Variants in JMY observed in about 807,000 individuals in gnomAD.
JMY encodes the protein junction mediating and regulatory protein, p53 cofactor, also known as junction-mediating and -regulatory protein.
Under a neutral mutation model 103.3 loss-of-function variants are expected in JMY, and 46 were observed. That is an observed-to-expected ratio of 0.45 (90% CI 0.35 to 0.57). JMY has a LOEUF of 0.57. JMY is among the 20% of genes least tolerant of loss of function. The pLI is 0.00. For missense variants in JMY, 1,238 were observed against 1,255.2 expected, an observed-to-expected ratio of 0.99 and a Z score of 0.21; for synonymous variants, 526 against 489.3, an observed-to-expected ratio of 1.07 and a Z score of -0.99.
At chr5:79,319,140 G>C (rs1005164358) in intron 10 of JMY, among the ~76,000 whole-genome samples, 1 of 152,108 alleles carries the variant, frequency 6.6e-6, no homozygotes, top group Non-Finnish European at 1.5e-5. Flanking sequence ...CCTAACCCTA[G>C]ACATTGCATC....
chr5:79,247,745 C>T (rs1346571745), intron 1 of JMY, among the ~76,000 whole-genome samples: 1 of 151,848 alleles, frequency 6.6e-6, no homozygotes, highest in Non-Finnish European at 1.5e-5. Flanking sequence ...TTCCACCTCC[C>T]AGGTTCAAGC....
chr5:79,236,606 G>C lies in JMY; in HGVS notation c.-45G>C. 7.5e-7 allele frequency: 1 copy of C among 1,335,978 alleles called. No homozygotes were observed. The highest frequency in any genetic ancestry group is 9.7e-7 in the Non-Finnish European group (1 of 1,031,490). 82.8% of individuals were successfully genotyped at this position (1,335,978 alleles called of 1,614,324 possible). A position where few individuals can be genotyped will look rare whatever the true frequency, so the allele number is the denominator to read the frequency against. Reference sequence around the variant, plus strand: ...GCAGCCAGCGGGGAGTCCTCGGGCGGGCCGGGCCGGCGGCCCTTCCCCGCG... The same window carrying C: ...GCAGCCAGCGGGGAGTCCTCGGGCGCGCCGGGCCGGCGGCCCTTCCCCGCG... On this transcript the variant is annotated 5_prime_UTR_variant, in exon 1 of 11. Transcript: ENST00000396137.
chr5:79,237,018 TG>T lies in JMY; in HGVS notation c.373del (p.Asp125ThrfsTer58). ...TCTCCTCGGAGCACTCGCAGCCTTC[TG>T]GGGGACCCGCGGCTGCGGAGTCCTG... is the stretch of plus-strand genomic sequence containing the variant. ...GGSPRSTRSL[L>X]GDPRLRSPGS... On this transcript the variant is annotated frameshift_variant, in exon 1 of 11. Transcript: ENST00000396137. LOFTEE classifies it high-confidence loss of function. 3.3e-6 allele frequency: 5 copies of T among 1,497,402 alleles called. No individual in the cohort carries two copies. The highest frequency in any genetic ancestry group is 2.7e-6 in the Non-Finnish European group (3 of 1,122,062). 92.8% of individuals were successfully genotyped at this position (1,497,402 alleles called of 1,614,324 possible). A position where few individuals can be genotyped will look rare whatever the true frequency, so the allele number is the denominator to read the frequency against.
In JMY at chr5:79,325,995, T is replaced by C. The variant is rs1213608056; in HGVS notation, c.*4393T>C. On this transcript the variant is annotated 3_prime_UTR_variant, in exon 11 of 11. Transcript: ENST00000396137. ...CCACAGTAAATGTACAACTTCGCAA[T>C]TGTAGGATTTAATTGATTGAATTCC... The C allele has an allele frequency of 1.3e-5, 2 of 152,154 alleles. No individual in the cohort carries two copies. Among genetic ancestry groups the C allele is most frequent in the East Asian group, 1.9e-4 (1 of 5,194 alleles). 9.4% of individuals were successfully genotyped at this position (152,154 alleles called of 1,614,324 possible).
chr5:79,284,114 C>G, intron 2 of JMY: 1 of 1,458,228 alleles, frequency 6.9e-7, no homozygotes. Flanking sequence ...TTATTTGCCA[C>G]TATTTGAAGT....
chr5:79,291,062 A>G, intron 3 of JMY, 68 bp from the exon 4 acceptor site: 1 of 1,113,694 alleles, frequency 9.0e-7, no homozygotes, highest in Middle Eastern at 2.1e-4. Flanking sequence ...GGTCAGTGAA[A>G]TCTTTTTCAA....
chr5:79,250,266 T>A (rs568125451), intron 1 of JMY, among the ~76,000 whole-genome samples: 9 of 152,328 alleles, frequency 5.9e-5, no homozygotes, highest in African/African-American at 2.2e-4. Flanking sequence ...CAGCCTCCTG[T>A]ACCCTCCATA....
intron 2 of JMY, among the ~76,000 whole-genome samples, chr5:79,285,285 C>A (rs1746234582): frequency 2.0e-5 from 3 of 152,086 alleles, no homozygotes; most frequent in Admixed American, 2.0e-4. Context: ...CCCCTGCCCC[C>A]CACCCGCCCA....
intron 7 of JMY, among the ~76,000 whole-genome samples, chr5:79,309,800 G>A (rs1198471817): frequency 6.6e-6 from 1 of 152,110 alleles, no homozygotes; most frequent in East Asian, 1.9e-4. Context: ...GTCAGAAACT[G>A]CTTTATAAGA....
chr5:79,251,398 A>G (rs554000997), intron 1 of JMY, among the ~76,000 whole-genome samples: 64 of 151,950 alleles, frequency 4.2e-4, no homozygotes, highest in African/African-American at 1.5e-3. Flanking sequence ...TGCCCAGCTA[A>G]TTTTTAACTT....
In JMY at chr5:79,321,840, T is replaced by C. The variant is rs1160422911; in HGVS notation, c.*238T>C. ...CCTGACTGCAATGAAGAAAAGGCCT[T>C]CTGGAGATTTCTGTTTTTTAAGCAC... On this transcript the variant is annotated 3_prime_UTR_variant, in exon 11 of 11. Coordinates refer to ENST00000396137, the MANE Select transcript of JMY (RefSeq NM_152405.5). 6.6e-6 allele frequency: 1 copy of C among 152,186 alleles called. No individual in the cohort carries two copies. The highest frequency in any genetic ancestry group is 2.4e-5 in the African/African-American group (1 of 41,458). 9.4% of individuals were successfully genotyped at this position (152,186 alleles called of 1,614,324 possible).
At chr5:79,262,204 C>A (rs979006821) in intron 1 of JMY, among the ~76,000 whole-genome samples, 49 of 152,222 alleles carry the variant, frequency 3.2e-4, no homozygotes, top group African/African-American at 1.2e-3. Context: ...TAGCAAAATG[C>A]ATCTTTCACA....
chr5:79,236,848 G>A lies in JMY; in HGVS notation c.198G>A (p.Gly66=), dbSNP rs1040313635. The A allele has an allele frequency of 6.2e-6, 9 of 1,450,138 alleles. No individual in the cohort carries two copies. In the African/African-American group the frequency reaches 1.2e-4, roughly 19 times the overall value. The allele number at this position is 1,450,138 out of a possible 1,614,324, so 89.8% of individuals were successfully genotyped here. Residue 66 remains glycine (G), a synonymous_variant, in exon 1 of 11, where the codon GGG becomes GGA. Coordinates refer to ENST00000396137, the MANE Select transcript of JMY (RefSeq NM_152405.5). ...SGSREQAGAR[G]GAEAGGAASD... ...CCCGGGAGCAAGCGGGGGCGCGAGG[G>A]GGCGCCGAGGCCGGCGGAGCTGCGT...
At chr5:79,289,778 G>T (rs539239940) in intron 2 of JMY, among the ~76,000 whole-genome samples, 1 of 151,908 alleles carries the variant, frequency 6.6e-6, no homozygotes, top group Non-Finnish European at 1.5e-5. Flanking sequence ...AGTAATTTGG[G>T]GGGGGGCATA....
intron 1 of JMY, among the ~76,000 whole-genome samples, chr5:79,261,851 C>G (rs1158780011): frequency 2.0e-5 from 3 of 152,116 alleles, no homozygotes; most frequent in African/African-American, 7.2e-5. Context: ...TGTCAAACTC[C>G]TGGCCTCAAG....
At chr5:79,287,117 C>T (rs1746292334) in intron 2 of JMY, among the ~76,000 whole-genome samples, 1 of 152,026 alleles carries the variant, frequency 6.6e-6, no homozygotes, top group African/African-American at 2.4e-5. Flanking sequence ...GGGGGTTGTA[C>T]TATGAGCCTA....
chr5:79,238,061 C>T (rs572358095), intron 1 of JMY, among the ~76,000 whole-genome samples: 30 of 152,244 alleles, frequency 2.0e-4, no homozygotes, highest in Middle Eastern at 3.4e-3. Flanking sequence ...TCTTCTTTGT[C>T]CTTGTCACCT....
rs1320237865 is a variant in JMY at position 79,324,822 on chromosome 5, G to A, written c.*3220G>A. ...GAGACTCCTAGACACAGCTGTAATA[G>A]TGGGAATAGAAATGTAGAGCTTTTC... On this transcript the variant is annotated 3_prime_UTR_variant, in exon 11 of 11. Transcript: ENST00000396137. The A allele has an allele frequency of 6.6e-6, 1 of 152,616 alleles. No individual in the cohort carries two copies. Among genetic ancestry groups the A allele is most frequent in the East Asian group, 1.9e-4 (1 of 5,206 alleles). The allele number at this position is 152,616 out of a possible 1,614,324, so 9.5% of individuals were successfully genotyped here.
rs1210574385 is a variant in JMY at position 79,236,312 on chromosome 5, G to C, written c.-339G>C. 2 of 194,700 alleles carry C rather than the reference G, an allele frequency of 1.0e-5. No homozygotes were observed. Among genetic ancestry groups the C allele is most frequent in the Non-Finnish European group, 2.1e-5 (2 of 96,636 alleles). 12.1% of individuals were successfully genotyped at this position (194,700 alleles called of 1,614,324 possible). On this transcript the variant is annotated 5_prime_UTR_variant, in exon 1 of 11. Coordinates refer to ENST00000396137, the MANE Select transcript of JMY (RefSeq NM_152405.5). ...CCCGCGGGACCCGCGCCTCACCACC[G>C]GAGCGCCGCAGACGCAGCTCCACGG...
Sources: gnomAD v4.1 joint callset for allele counts (sites outside exome capture counted in the v4.1 genomes callset) on GRCh38, gnomAD v4.1.1 for gene constraint, MANE v1.5 for transcripts, NCBI Gene and HGNC (gene_info 2026-07-23, HGNC 2026-07-21) for gene names.